Variants in PSMA5 observed in about 807,000 individuals in gnomAD.
The protein encoded by PSMA5 is proteasome 20S subunit alpha 5.
Under a neutral mutation model 34.5 loss-of-function variants are expected in PSMA5, and 3 were observed. The ratio of observed to expected loss-of-function variants is 0.09; its 90% CI spans 0.04 to 0.22. The LOEUF (loss-of-function observed/expected upper bound fraction) is 0.22. Ranked by LOEUF, PSMA5 falls within the 10% of genes least tolerant of loss-of-function variation. The pLI is 1.00. For missense variants in PSMA5, 120 were observed against 286.1 expected (o/e 0.42, Z 4.19); for synonymous variants, 88 against 95.8 (o/e 0.92, Z 0.47).
intron 2 of PSMA5, among the ~76,000 whole-genome samples, chr1:109,416,357 G>A (rs927903107): frequency 2.0e-5 from 3 of 151,996 alleles, no homozygotes; most frequent in Admixed American, 1.3e-4. Context: ...TTCACTACTC[G>A]TTATTCTCCA....
At position 109,400,662 on chromosome 1, in the gene PSMA5, A is replaced by G. The variant is rs886944263; in HGVS notation, c.*1351T>C. The G allele has an allele frequency of 6.6e-6, 1 of 152,232 alleles. No homozygotes were observed. The highest frequency in any genetic ancestry group is 2.4e-5 in the African/African-American group (1 of 41,460). 9.4% of individuals were successfully genotyped at this position (152,232 alleles called of 1,614,324 possible). On this transcript the variant is annotated 3_prime_UTR_variant, in exon 9 of 9. Transcript: ENST00000271308. ...TTCTAGGGCAAAATCCCTTTCTTCC[A>G]AATGTTTCCTATCATTGCAGTTTCC...
chr1:109,425,452 A>C (rs1654617726), intron 1 of PSMA5: 1 of 152,180 alleles, frequency 6.6e-6, no homozygotes, highest in African/African-American at 2.4e-5. Flanking sequence ...ATCTTCTACG[A>C]GTCAGTAAAA....
Position 109,413,074 on chromosome 1 carries a change from C to T in PSMA5, c.285G>A (p.Glu95=). The T allele has an allele frequency of 6.2e-7, 1 of 1,613,604 alleles. No individual in the cohort carries two copies. Among genetic ancestry groups the T allele is most frequent in the Non-Finnish European group, 8.5e-7 (1 of 1,179,628 alleles). ...AKTLIDKARV[E]TQNHWFTYNE... The stretch of plus-strand genomic sequence containing the variant: ...GAGATAATGCCAATTTTACCTGTGT[C>T]TCCACTCTGGCTTTATCAATTAAAG... The change falls in exon 4 of 9, where the codon GAG becomes GAA. Residue 95 remains glutamate (E), a synonymous_variant. Coordinates refer to ENST00000271308, the MANE Select transcript of PSMA5 (RefSeq NM_002790.4).
intron 8 of PSMA5, among the ~76,000 whole-genome samples, chr1:109,408,033 A>G (rs1407470603): frequency 6.6e-6 from 1 of 151,996 alleles, no homozygotes; most frequent in East Asian, 1.9e-4. Flanking sequence ...GCATTCACCT[A>G]CCCTCGGCAG....
At chr1:109,416,245 A>G (rs1024682566) in intron 2 of PSMA5, among the ~76,000 whole-genome samples, 3 of 152,216 alleles carry the variant, frequency 2.0e-5, no homozygotes, top group African/African-American at 7.2e-5. Flanking sequence ...TATTATCATT[A>G]TATTTCTTCT....
chr1:109,405,881 G>A (rs560160072), intron 8 of PSMA5, among the ~76,000 whole-genome samples: 1 of 152,280 alleles, frequency 6.6e-6, no homozygotes, highest in South Asian at 2.1e-4. Flanking sequence ...CAAGGTAGGG[G>A]AAAAATGGGA....
chr1:109,422,481 A>AC (rs1326104360), intron 1 of PSMA5, among the ~76,000 whole-genome samples: 1 of 116,764 alleles, frequency 8.6e-6, no homozygotes, highest in African/African-American at 3.2e-5. Flanking sequence ...CACAGTTATT[A>AC]CTTTTTTTTT....
At chr1:109,418,492 T>C (rs1654306657) in intron 2 of PSMA5, among the ~76,000 whole-genome samples, 1 of 152,174 alleles carries the variant, frequency 6.6e-6, no homozygotes, top group East Asian at 1.9e-4. Flanking sequence ...ATTTTTTAAA[T>C]TTTTTGTGAA....
chr1:109,401,863 T>C lies in PSMA5; in HGVS notation c.*150A>G. ...TCTATTAACAAATATTTTAAAATTT[T>C]CTTTATTTCAGAACTGCCTTTATGT... is the stretch of plus-strand genomic sequence containing the variant. On this transcript the variant is annotated 3_prime_UTR_variant, in exon 9 of 9. Coordinates refer to ENST00000271308, the MANE Select transcript of PSMA5 (RefSeq NM_002790.4). 1 of 543,120 alleles carries C rather than the reference T, an allele frequency of 1.8e-6. No individual in the cohort carries two copies. The highest frequency in any genetic ancestry group is 3.2e-6 in the Non-Finnish European group (1 of 314,126). 33.6% of individuals were successfully genotyped at this position (543,120 alleles called of 1,614,324 possible). A position where few individuals can be genotyped will look rare whatever the true frequency, so the allele number is the denominator to read the frequency against.
At position 109,425,963 on chromosome 1, in the gene PSMA5, G is replaced by T; in HGVS notation, c.29+339C>A. 13 of 411,550 alleles carry T rather than the reference G, an allele frequency of 3.2e-5. No homozygotes were observed. In the South Asian group the frequency reaches 5.6e-4, roughly 18 times the overall value. 25.5% of individuals were successfully genotyped at this position (411,550 alleles called of 1,614,324 possible). On this transcript the variant is annotated intron_variant, in intron 1 of 8. Coordinates refer to ENST00000271308, the MANE Select transcript of PSMA5 (RefSeq NM_002790.4). ...TGTTTGTTCAAGGCAGTCATACTAG[G>T]CACGAAAAGATGAACGGAGCAAAGA...
At chr1:109,420,555 T>G (rs1654401596) in intron 2 of PSMA5, among the ~76,000 whole-genome samples, 1 of 152,228 alleles carries the variant, frequency 6.6e-6, no homozygotes. Context: ...TGAAACTACA[T>G]GCATGTATAC....
chr1:109,407,305 AG>A (rs1653812055), intron 8 of PSMA5, among the ~76,000 whole-genome samples: 2 of 152,210 alleles, frequency 1.3e-5, no homozygotes, highest in Non-Finnish European at 2.9e-5. Flanking sequence ...TCCTTTTCTT[AG>A]GGGAAGCAGT....
chr1:109,409,135 C>G (rs1192370547), intron 8 of PSMA5, among the ~76,000 whole-genome samples: 1 of 152,126 alleles, frequency 6.6e-6, no homozygotes, highest in Non-Finnish European at 1.5e-5. Flanking sequence ...ATTGTTTTCT[C>G]CACTCATCAT....
rs138697368 is a variant in PSMA5, at chr1:109,404,604, T to A, written c.649-2514A>T. ...AGGACTGCCTTCAGGAAGTTGCTCA[T>A]CACTAGATAAGTAAAAATAATCCCT... On this transcript the variant is annotated intron_variant, in intron 8 of 8. Transcript: ENST00000271308. 9.8e-5 allele frequency among the ~76,000 whole-genome samples: 15 copies of A among 152,312 alleles called. No homozygotes were observed. The East Asian group carries it at 2.9e-3, about 29-fold the overall frequency.
chr1:109,403,902 A>G (rs1653644461), intron 8 of PSMA5, among the ~76,000 whole-genome samples: 1 of 152,234 alleles, frequency 6.6e-6, no homozygotes, highest in African/African-American at 2.4e-5. Context: ...CCTAAAAGAT[A>G]TATCTCTAAT....
Position 109,426,391 on chromosome 1 carries a change from G to T in PSMA5, c.-61C>A. On this transcript the variant is annotated 5_prime_UTR_variant, in exon 1 of 9. Coordinates refer to ENST00000271308, the MANE Select transcript of PSMA5 (RefSeq NM_002790.4). Reference sequence around the variant, plus strand: ...TTCTGAGGACCAACACGACTCCACCGGCACCCAACTCACCGGCAGCCAACT... The same window carrying T: ...TTCTGAGGACCAACACGACTCCACCTGCACCCAACTCACCGGCAGCCAACT... 6.2e-7 allele frequency: 1 copy of T among 1,600,446 alleles called. No individual in the cohort carries two copies. The highest frequency in any genetic ancestry group is 8.6e-7 in the Non-Finnish European group (1 of 1,167,988).
At chr1:109,402,137 C>A in intron 8 of PSMA5, 47 bp from the exon 9 acceptor site, 1 of 1,388,336 alleles carries the variant, frequency 7.2e-7, no homozygotes, top group Non-Finnish European at 1.0e-6. Flanking sequence ...AGTTACCCTG[C>A]TGATGGCCCT....
At chr1:109,416,163 A>C (rs1233914009) in intron 2 of PSMA5, among the ~76,000 whole-genome samples, 2 of 152,224 alleles carry the variant, frequency 1.3e-5, no homozygotes, top group Non-Finnish European at 2.9e-5. Flanking sequence ...TAGATACTTC[A>C]ATAGCCTCTC....
chr1:109,415,131 C>A, intron 3 of PSMA5, 106 bp downstream of exon 3: 2 of 1,333,914 alleles, frequency 1.5e-6, no homozygotes, highest in Admixed American at 4.7e-5. Flanking sequence ...AAAATAATAG[C>A]TAACAAGGGG....
Sources: allele counts gnomAD v4.1 joint callset (sites outside exome capture counted in the v4.1 genomes callset), GRCh38; gene constraint gnomAD v4.1.1; transcripts MANE v1.5; gene names NCBI Gene and HGNC (gene_info 2026-07-23, HGNC 2026-07-21).